The following ADGRB3 variants were observed in gnomAD, a reference collection of about 807,000 sequenced individuals.
ADGRB3 encodes the protein adhesion G protein-coupled receptor B3.
A neutral mutation model predicts 193.4 loss-of-function variants in ADGRB3; 37 were observed. The ratio of observed to expected loss-of-function variants is 0.19; its 90% confidence interval spans 0.15 to 0.25. The LOEUF (loss-of-function observed/expected upper bound fraction) is 0.25, where lower values mean the gene tolerates loss of function less well. Ranked by LOEUF, ADGRB3 falls within the 10% of genes least tolerant of loss-of-function variation. ADGRB3 has a pLI of 1.00. For synonymous variants in ADGRB3, 690 were observed against 644.2 expected (o/e 1.07, Z -1.08); for missense variants, 1,637 against 1,852.9 (o/e 0.88, Z 2.14).
At chr6:68,912,027 T>C (rs1766727371) in intron 3 of ADGRB3, among the ~76,000 whole-genome samples, 1 of 152,124 alleles carries the variant, frequency 6.6e-6, no homozygotes, top group Non-Finnish European at 1.5e-5. Context: ...ATAAAGTATT[T>C]GTATGATTCA....
At chr6:68,923,072 A>T (rs1359254515) in intron 3 of ADGRB3, among the ~76,000 whole-genome samples, 1 of 152,138 alleles carries the variant, frequency 6.6e-6, no homozygotes, top group Non-Finnish European at 1.5e-5. Flanking sequence ...TAAACGCTAT[A>T]TACATGTCTT....
At chr6:69,017,025 C>T (rs192043942) in intron 12 of ADGRB3, among the ~76,000 whole-genome samples, 21 of 151,856 alleles carry the variant, frequency 1.4e-4, no homozygotes, top group East Asian at 3.9e-4. Context: ...GATGGGCTTT[C>T]GAAATTCATG....
In ADGRB3 at chr6:68,640,967, T is replaced by G. The variant is rs543612343; in HGVS notation, c.757+1535T>G. Among the ~76,000 whole-genome samples, 180 of 152,310 alleles carry G rather than the reference T, an allele frequency of 1.2e-3. 1 individual carries two copies. Among genetic ancestry groups the G allele is most frequent in the African/African-American group, 4.2e-3 (176 of 41,568 alleles). On this transcript the variant is annotated intron_variant, in intron 3 of 31. Transcript: ENST00000370598. ...TGGTTTTAAATTACAGGAGTTATTT[T>G]CTGTAGTAAAAAATCCCAGAGAAGC...
intron 17 of ADGRB3, among the ~76,000 whole-genome samples, chr6:69,088,624 T>C (rs570075323): frequency 6.6e-6 from 1 of 152,344 alleles, no homozygotes; most frequent in South Asian, 2.1e-4. Flanking sequence ...TCTGCCTGCC[T>C]TGGCCTCCCA....
intron 26 of ADGRB3, among the ~76,000 whole-genome samples, chr6:69,352,716 A>G (rs538920269): frequency 6.6e-6 from 1 of 152,346 alleles, no homozygotes; most frequent in African/African-American, 2.4e-5. Context: ...ACTAATGACT[A>G]TGAAATGAGT....
intron 17 of ADGRB3, among the ~76,000 whole-genome samples, chr6:69,223,413 T>G (rs1765941201): frequency 6.6e-6 from 1 of 152,116 alleles, no homozygotes; most frequent in Non-Finnish European, 1.5e-5. Flanking sequence ...CAACAGTTAT[T>G]TTTAAGCACT....
chr6:68,675,352 A>G (rs2127295668), intron 3 of ADGRB3, among the ~76,000 whole-genome samples: 1 of 152,346 alleles, frequency 6.6e-6, no homozygotes, highest in South Asian at 2.1e-4. Flanking sequence ...AAAGTAGAAC[A>G]TAGTGAAACA....
intron 20 of ADGRB3, among the ~76,000 whole-genome samples, chr6:69,270,294 G>T (rs933361312): frequency 1.3e-5 from 2 of 152,122 alleles, no homozygotes; most frequent in Non-Finnish European, 2.9e-5. Flanking sequence ...GCAACAAGAA[G>T]AAAGGATGTC....
intron 3 of ADGRB3, among the ~76,000 whole-genome samples, chr6:68,872,542 G>A (rs1206386946): frequency 1.3e-5 from 2 of 152,058 alleles, no homozygotes; most frequent in African/African-American, 4.8e-5. Flanking sequence ...ATTCCCTTAA[G>A]TAATAGTGTT....
intron 17 of ADGRB3, among the ~76,000 whole-genome samples, chr6:69,077,310 T>C (rs939068139): frequency 6.6e-6 from 1 of 152,020 alleles, no homozygotes; most frequent in Non-Finnish European, 1.5e-5. Flanking sequence ...ATATGTTATA[T>C]AGCCAAGGGA....
intron 17 of ADGRB3, among the ~76,000 whole-genome samples, chr6:69,146,594 G>C (rs1244890813): frequency 2.6e-5 from 4 of 152,210 alleles, no homozygotes; most frequent in Non-Finnish European, 4.4e-5. Context: ...AACTCTGAAG[G>C]GGGCAGGACT....
intron 3 of ADGRB3, among the ~76,000 whole-genome samples, chr6:68,752,632 T>C (rs1452147698): frequency 6.6e-6 from 1 of 152,098 alleles, no homozygotes; most frequent in South Asian, 2.1e-4. Flanking sequence ...AAGAAGTACA[T>C]AGACTGAATC....
intron 17 of ADGRB3, among the ~76,000 whole-genome samples, chr6:69,127,872 G>A (rs1401342956): frequency 6.7e-6 from 1 of 149,354 alleles, no homozygotes; most frequent in Non-Finnish European, 1.5e-5. Flanking sequence ...GACCAACAGA[G>A]CAAAGCTACA....
intron 3 of ADGRB3, among the ~76,000 whole-genome samples, chr6:68,676,411 A>AG (rs1769092781): frequency 6.8e-6 from 1 of 146,496 alleles, no homozygotes. Flanking sequence ...AAAAAAAAAA[A>AG]GAAAAGGAGA....
chr6:68,881,417 T>C (rs1765725761), intron 3 of ADGRB3, among the ~76,000 whole-genome samples: 1 of 152,132 alleles, frequency 6.6e-6, no homozygotes, highest in Non-Finnish European at 1.5e-5. Flanking sequence ...GCCCAGTTTG[T>C]AGATATTGAG....
chr6:68,812,287 A>C (rs1322839582), intron 3 of ADGRB3, among the ~76,000 whole-genome samples: 1 of 152,172 alleles, frequency 6.6e-6, no homozygotes, highest in Non-Finnish European at 1.5e-5. Flanking sequence ...TGGATAATAG[A>C]AATATTTACA....
intron 3 of ADGRB3, among the ~76,000 whole-genome samples, chr6:68,904,791 T>C (rs1766497128): frequency 1.3e-5 from 2 of 152,130 alleles, no homozygotes; most frequent in African/African-American, 4.8e-5. Flanking sequence ...GATTTTCTCC[T>C]TTCATATCTC....
At chr6:69,102,135 G>A (rs1218196109) in intron 17 of ADGRB3, among the ~76,000 whole-genome samples, 2 of 139,278 alleles carry the variant, frequency 1.4e-5, no homozygotes, top group Admixed American at 1.6e-4. Context: ...CAGAGATGGC[G>A]CCACTGCACT....
intron 30 of ADGRB3, among the ~76,000 whole-genome samples, chr6:69,381,182 T>C (rs1310781148): frequency 1.3e-5 from 2 of 151,976 alleles, no homozygotes; most frequent in South Asian, 2.1e-4. Flanking sequence ...GAGTTGCTTA[T>C]GCAAATCCTC....
Sources: allele counts gnomAD v4.1 joint callset (sites outside exome capture counted in the v4.1 genomes callset), GRCh38; gene constraint gnomAD v4.1.1; transcripts MANE v1.5; gene names NCBI Gene and HGNC (gene_info 2026-07-23, HGNC 2026-07-21).